Variants in C4orf36 observed in about 807,000 individuals in gnomAD.
C4orf36 encodes the protein uncharacterized protein C4orf36.
C4orf36 carries 11 observed loss-of-function variants against 12.2 expected under a neutral mutation model. The observed-to-expected ratio is 0.90, with a 90% CI of 0.57 to 1.49. The LOEUF (loss-of-function observed/expected upper bound fraction) is 1.49, where lower values mean the gene tolerates loss of function less well. Ranked by LOEUF, C4orf36 falls within the 40% of genes most tolerant of loss-of-function variation. The probability of loss-of-function intolerance (pLI) is 0.00; values close to 1 mark genes in which losing one functional copy is unlikely to be tolerated. For synonymous variants in C4orf36, 54 were observed against 51.3 expected, an observed-to-expected ratio of 1.05 and a Z score of -0.22; for missense variants, 137 against 133.9, an observed-to-expected ratio of 1.02 and a Z score of -0.11.
the C4orf36 span, among the ~76,000 whole-genome samples, chr4:86,927,565 C>T: frequency 6.6e-6 from 1 of 152,036 alleles, no homozygotes; most frequent in African/African-American, 2.4e-5. Context: ...GAGGCCGAGG[C>T]GGGTGGATCA....
the C4orf36 span, among the ~76,000 whole-genome samples, chr4:86,921,903 G>A: frequency 6.6e-6 from 1 of 152,108 alleles, no homozygotes; most frequent in African/African-American, 2.4e-5. Flanking sequence ...ATCTGACTAT[G>A]CCAGGCACCT....
At chr4:86,888,998 A>C (rs1403703543) in intron 2 of C4orf36, among the ~76,000 whole-genome samples, 5 of 152,176 alleles carry the variant, frequency 3.3e-5, no homozygotes, top group Admixed American at 1.3e-4. Context: ...CAAGTCATAA[A>C]AATGTATAAG....
upstream of C4orf36, among the ~76,000 whole-genome samples, chr4:86,894,288 T>C (rs1747544212): frequency 6.6e-6 from 1 of 152,224 alleles, no homozygotes; most frequent in Admixed American, 6.5e-5. Context: ...TATTATTTTG[T>C]GGCACTTTCA....
At chr4:86,918,820 T>C in the C4orf36 span, among the ~76,000 whole-genome samples, 1 of 145,998 alleles carries the variant, frequency 6.8e-6, no homozygotes, top group South Asian at 2.1e-4. Context: ...CGTGTGTGTG[T>C]GTGTGTGTGT....
the C4orf36 span, among the ~76,000 whole-genome samples, chr4:86,908,958 G>T: frequency 6.6e-6 from 1 of 152,132 alleles, no homozygotes; most frequent in Non-Finnish European, 1.5e-5. Flanking sequence ...GGGAGGAAGT[G>T]CTTGTACTTG....
At chr4:86,924,045 C>T in the C4orf36 span, among the ~76,000 whole-genome samples, 5 of 152,096 alleles carry the variant, frequency 3.3e-5, no homozygotes, top group African/African-American at 4.8e-5. Context: ...TGCTCCCTCT[C>T]TCTTTTTTCT....
chr4:86,894,169 T>G (rs1195910161), upstream of C4orf36, among the ~76,000 whole-genome samples: 1 of 152,184 alleles, frequency 6.6e-6, no homozygotes, highest in Non-Finnish European at 1.5e-5. Flanking sequence ...AGTGCTGGGA[T>G]TATAGGCGTG....
the C4orf36 span, chr4:86,914,441 C>T: frequency 3.0e-6 from 2 of 667,448 alleles, no homozygotes; most frequent in Non-Finnish European, 4.9e-6. Context: ...GGCTCTATCG[C>T]CCAGGCTGGA....
intron 4 of C4orf36, among the ~76,000 whole-genome samples, chr4:86,879,585 A>C (rs1459549932): frequency 1.3e-5 from 2 of 152,218 alleles, no homozygotes; most frequent in Admixed American, 6.5e-5. Flanking sequence ...TGGGAGACCC[A>C]GAAGAAAAGG....
At chr4:86,914,368 C>A in the C4orf36 span, 268 of 1,233,750 alleles carry the variant, frequency 2.2e-4, no homozygotes, top group Non-Finnish European at 2.8e-4. Context: ...GCTTTCACCC[C>A]CCGGCTCCCG....
At chr4:86,922,949 C>CTT in the C4orf36 span, among the ~76,000 whole-genome samples, 1,307 of 139,592 alleles carry the variant, frequency 9.4e-3, 18 homozygotes, top group African/African-American at 0.032. Context: ...CTTCTTCTTC[C>CTT]TTTTTTTTTT....
the C4orf36 span, among the ~76,000 whole-genome samples, chr4:86,901,389 CTTTTATTTAT>C: frequency 1.4e-4 from 20 of 145,962 alleles, 1 homozygote; most frequent in African/African-American, 5.0e-4. Flanking sequence ...ACACACACAG[CTTTTATTTAT>C]TTTTATTTAT....
At chr4:86,934,654 A>ATAT in the C4orf36 span, 3 of 152,200 alleles carry the variant, frequency 2.0e-5, no homozygotes, top group African/African-American at 7.2e-5. Flanking sequence ...ATCTGTTTCA[A>ATAT]TATTATAGGA....
chr4:86,898,430 G>T, the C4orf36 span, among the ~76,000 whole-genome samples: 1 of 152,088 alleles, frequency 6.6e-6, no homozygotes, highest in African/African-American at 2.4e-5. Context: ...AGGTGCTGGG[G>T]CTCACACCTG....
intron 4 of C4orf36, among the ~76,000 whole-genome samples, chr4:86,878,389 A>G (rs1274094266): frequency 6.6e-6 from 1 of 152,244 alleles, no homozygotes; most frequent in Non-Finnish European, 1.5e-5. Flanking sequence ...CAATGTATCA[A>G]AAATTTTATA....
Position 86,884,828 on chromosome 4 carries a change from G to A in C4orf36, c.*2+2930C>T, listed in dbSNP as rs555375823. 2.8e-4 allele frequency among the ~76,000 whole-genome samples: 42 copies of A among 152,260 alleles called. No homozygotes were observed. In the East Asian group the frequency reaches 7.3e-3, roughly 27 times the overall value. ...TAGGTTTTCTTCTAGGGTTTTTATG[G>A]TTTTTAGGTCTAACATTTAAGTCTG... On this transcript the variant is annotated intron_variant, in intron 4 of 4. Coordinates refer to ENST00000295898, the MANE Select transcript of C4orf36 (RefSeq NM_144645.4).
At chr4:86,905,010 C>T in the C4orf36 span, among the ~76,000 whole-genome samples, 2 of 151,786 alleles carry the variant, frequency 1.3e-5, no homozygotes, top group African/African-American at 4.8e-5. Context: ...CTGAGGTGGG[C>T]GGATGGCTTG....
chr4:86,910,429 A>T, the C4orf36 span, among the ~76,000 whole-genome samples: 1 of 152,226 alleles, frequency 6.6e-6, no homozygotes, highest in Non-Finnish European at 1.5e-5. Context: ...ATTAAAAATT[A>T]AAAAATTAAA....
At chr4:86,935,795 T>A in the C4orf36 span, 1 of 140,386 alleles carries the variant, frequency 7.1e-6, no homozygotes, top group Admixed American at 7.0e-5. Flanking sequence ...TGGAGCCACC[T>A]TCTGAGACTT....
Sources: allele counts gnomAD v4.1 joint callset (sites outside exome capture counted in the v4.1 genomes callset), GRCh38; gene constraint gnomAD v4.1.1; transcripts MANE v1.5; gene names NCBI Gene and HGNC (gene_info 2026-07-23, HGNC 2026-07-21).